The following PTGER4 variants were observed in gnomAD, a reference collection of about 807,000 sequenced individuals.
PTGER4 encodes prostaglandin E receptor 4.
Under a neutral mutation model 33.2 loss-of-function variants are expected in PTGER4, and 11 were observed. That is an observed-to-expected ratio of 0.33 (90% CI 0.21 to 0.55). The LOEUF (loss-of-function observed/expected upper bound fraction) is 0.55, where lower values mean the gene tolerates loss of function less well. PTGER4 is among the 20% of genes least tolerant of loss of function. PTGER4 has a pLI of 0.92. For synonymous variants in PTGER4, 275 were observed against 281.5 expected (o/e 0.98, Z 0.23); for missense variants, 481 against 650.2 (o/e 0.74, Z 2.83).
chr5:40,746,484 T>C, the PTGER4 span, among the ~76,000 whole-genome samples: 48 of 152,330 alleles, frequency 3.2e-4, no homozygotes, highest in Non-Finnish European at 5.9e-4. Flanking sequence ...AGACCACCTT[T>C]TACTGACCAA....
the PTGER4 span, chr5:40,715,468 T>A: frequency 6.6e-6 from 1 of 152,326 alleles, no homozygotes; most frequent in South Asian, 2.1e-4. Context: ...ATCATTCTCA[T>A]ATTTATCAAT....
At chr5:40,687,723 C>T (rs1238880001) in intron 2 of PTGER4, among the ~76,000 whole-genome samples, 1 of 152,118 alleles carries the variant, frequency 6.6e-6, no homozygotes, top group Admixed American at 6.6e-5. Flanking sequence ...ATCTAACCAA[C>T]TTTTGAGGAT....
At chr5:40,699,741 T>C in the PTGER4 span, among the ~76,000 whole-genome samples, 1 of 152,032 alleles carries the variant, frequency 6.6e-6, no homozygotes, top group Non-Finnish European at 1.5e-5. Context: ...AAAAGAGAAA[T>C]ATTATCTCAT....
At chr5:40,740,516 A>C in the PTGER4 span, among the ~76,000 whole-genome samples, 1 of 152,036 alleles carries the variant, frequency 6.6e-6, no homozygotes, top group Non-Finnish European at 1.5e-5. Flanking sequence ...TACACTCCGA[A>C]ATCCATGGCC....
intron 2 of PTGER4, among the ~76,000 whole-genome samples, chr5:40,685,076 T>G (rs912273393): frequency 3.9e-5 from 6 of 152,184 alleles, no homozygotes; most frequent in Non-Finnish European, 7.4e-5. Flanking sequence ...AAACAGTTAC[T>G]ATAGGGTTTC....
At chr5:40,722,658 G>C in the PTGER4 span, among the ~76,000 whole-genome samples, 1 of 149,638 alleles carries the variant, frequency 6.7e-6, no homozygotes, top group Non-Finnish European at 1.5e-5. Flanking sequence ...AGTGAGGCGT[G>C]TCTCCGCCCC....
At chr5:40,735,033 C>G in the PTGER4 span, among the ~76,000 whole-genome samples, 1 of 152,126 alleles carries the variant, frequency 6.6e-6, no homozygotes, top group Non-Finnish European at 1.5e-5. Context: ...AAGGTCCATT[C>G]CAGGCAAAGG....
At chr5:40,717,005 G>T in the PTGER4 span, among the ~76,000 whole-genome samples, 1 of 152,018 alleles carries the variant, frequency 6.6e-6, no homozygotes, top group Non-Finnish European at 1.5e-5. Flanking sequence ...GAGGTGGGCG[G>T]ATCACCTGAG....
the PTGER4 span, among the ~76,000 whole-genome samples, chr5:40,700,232 A>G: frequency 6.6e-6 from 1 of 152,256 alleles, no homozygotes; most frequent in Non-Finnish European, 1.5e-5. Flanking sequence ...AACTTAAAAC[A>G]TGGGTAAGAC....
chr5:40,721,479 CA>C, the PTGER4 span, among the ~76,000 whole-genome samples: 1 of 152,106 alleles, frequency 6.6e-6, no homozygotes, highest in African/African-American at 2.4e-5. Context: ...TGATCTTCAA[CA>C]AGGGCATTAA....
At position 40,691,194 on chromosome 5, in the gene PTGER4, T is replaced by C. The variant is rs1201723358; in HGVS notation, c.868-585T>C. Among the ~76,000 whole-genome samples the C allele has an allele frequency of 6.6e-6, 1 of 152,080 alleles. No homozygotes were observed. The highest frequency in any genetic ancestry group is 1.5e-5 in the Non-Finnish European group (1 of 68,012). On this transcript the variant is annotated intron_variant, in intron 2 of 2. Transcript: ENST00000302472. This position sits in a 1 kb window ranked among gnomAD's most constrained non-coding sequence, Gnocchi z 4.2. ...TGCCGCCACACCTGGCTAATTTTTG[T>C]TTTTTTGAGACGGAGTCTCGCTCTG... is the stretch of plus-strand genomic sequence containing the variant.
At chr5:40,699,824 C>A in the PTGER4 span, among the ~76,000 whole-genome samples, 1 of 152,034 alleles carries the variant, frequency 6.6e-6, no homozygotes, top group Non-Finnish European at 1.5e-5. Context: ...AGTAAGGGAA[C>A]TTTCTCAATT....
chr5:40,721,473 C>T, the PTGER4 span, among the ~76,000 whole-genome samples: 1 of 152,114 alleles, frequency 6.6e-6, no homozygotes, highest in African/African-American at 2.4e-5. Context: ...GTCAGCTGAT[C>T]TTCAACAAGG....
At chr5:40,725,786 T>A in the PTGER4 span, among the ~76,000 whole-genome samples, 1 of 114,612 alleles carries the variant, frequency 8.7e-6, no homozygotes, top group African/African-American at 2.7e-5. Flanking sequence ...CTCTTCAGCT[T>A]TTTTTTTTTT....
the PTGER4 span, among the ~76,000 whole-genome samples, chr5:40,703,484 A>C: frequency 6.6e-6 from 1 of 152,156 alleles, no homozygotes; most frequent in Non-Finnish European, 1.5e-5. Flanking sequence ...AAGCTCTGAA[A>C]TTGAATCAGT....
At chr5:40,715,918 A>T in the PTGER4 span, 10 of 419,686 alleles carry the variant, frequency 2.4e-5, no homozygotes, top group South Asian at 4.1e-4. Context: ...TTAATCAAAG[A>T]CCATTTTACT....
At chr5:40,694,071 G>C (rs1741533940), downstream of PTGER4, among the ~76,000 whole-genome samples, 2 of 151,440 alleles carry the variant, frequency 1.3e-5, no homozygotes. Flanking sequence ...TTATTTTTGA[G>C]ACAGAGTCTT....
downstream of PTGER4, among the ~76,000 whole-genome samples, chr5:40,695,938 G>A (rs1252906659): frequency 6.6e-6 from 1 of 152,130 alleles, no homozygotes; most frequent in Middle Eastern, 3.2e-3. Context: ...GGGAGGTGGG[G>A]GAGAGCAAGG....
At chr5:40,723,510 A>G in the PTGER4 span, among the ~76,000 whole-genome samples, 25 of 81,238 alleles carry the variant, frequency 3.1e-4, no homozygotes, top group South Asian at 0.011. Flanking sequence ...GCTAACTCAA[A>G]TTAAAAAAAA....
Sources: gnomAD v4.1 joint callset for allele counts (sites outside exome capture counted in the v4.1 genomes callset) on GRCh38, gnomAD v4.1.1 for gene constraint, Gnocchi (gnomAD v3.1) non-coding constraint, MANE v1.5 for transcripts, NCBI Gene and HGNC (gene_info 2026-07-23, HGNC 2026-07-21) for gene names.